MYO3A: variants seen among roughly 807,000 people sequenced by gnomAD.
MYO3A encodes the protein myosin-IIIa.
A neutral mutation model predicts 192.7 loss-of-function variants in MYO3A; 180 were observed. The ratio of observed to expected loss-of-function variants is 0.93; its 90% CI spans 0.83 to 1.06. MYO3A has a LOEUF of 1.06. MYO3A is among the 50% of genes least tolerant of loss of function. MYO3A has a pLI of 0.00. For missense variants in MYO3A, 1,896 were observed against 1,905.0 expected, an observed-to-expected ratio of 1.00 and a Z score of 0.09; for synonymous variants, 628 against 645.3, an observed-to-expected ratio of 0.97 and a Z score of 0.41.
Position 26,143,590 on chromosome 10 carries a change from A to G in MYO3A, c.2405A>G (p.Gln802Arg), listed in dbSNP as rs727503324. 2 of 1,614,008 alleles carry G rather than the reference A, an allele frequency of 1.2e-6. No individual in the cohort carries two copies. Among genetic ancestry groups the G allele is most frequent in the Non-Finnish European group, 1.7e-6 (2 of 1,179,926 alleles). ...AGTAGATTTCCCAAGGCCACTGACC[A>G]GACTCTTGTAGGTGAGTTTTCAGTC... ...EESRFPKATD[Q>R]TLVEKFEGNL... The change falls in exon 21 of 35, where the codon CAG becomes CGG. Residue 802 changes from glutamine (Q) to arginine (R), a missense_variant. Physicochemically the swap from Gln to Arg is conservative, Grantham distance 43. Transcript: ENST00000642920.
At chr10:26,075,777 T>TG (rs1835526579) in intron 14 of MYO3A, among the ~76,000 whole-genome samples, 1 of 148,026 alleles carries the variant, frequency 6.8e-6, no homozygotes, top group Non-Finnish European at 1.5e-5. Context: ...CTCATATATA[T>TG]ATGATATATA....
intron 10 of MYO3A, among the ~76,000 whole-genome samples, chr10:26,034,432 A>AT (rs1350560007): frequency 6.6e-6 from 1 of 152,200 alleles, no homozygotes; most frequent in African/African-American, 2.4e-5. Context: ...AGACAGGAGT[A>AT]TTTTTCTTCA....
intron 10 of MYO3A, among the ~76,000 whole-genome samples, chr10:26,039,102 G>A (rs1020493378): frequency 2.0e-4 from 31 of 151,694 alleles, no homozygotes; most frequent in African/African-American, 6.3e-4. Flanking sequence ...GTGCAATGGC[G>A]TGATCTCGGC....
chr10:25,983,287 A>T (rs1000476145), intron 4 of MYO3A, among the ~76,000 whole-genome samples: 4 of 150,080 alleles, frequency 2.7e-5, no homozygotes, highest in Non-Finnish European at 4.4e-5. Flanking sequence ...ACAAATTCCC[A>T]CTCTGTCACC....
At chr10:25,996,096 C>G (rs995441502) in intron 4 of MYO3A, among the ~76,000 whole-genome samples, 1 of 152,246 alleles carries the variant, frequency 6.6e-6, no homozygotes, top group Admixed American at 6.5e-5. Context: ...GCCCTGCCCC[C>G]ACAGGTGGAG....
At chr10:26,107,204 G>T (rs1837863907) in intron 17 of MYO3A, among the ~76,000 whole-genome samples, 1 of 152,098 alleles carries the variant, frequency 6.6e-6, no homozygotes, top group Non-Finnish European at 1.5e-5. Context: ...ATTAGAGGCT[G>T]GGCGCAGTGG....
intron 4 of MYO3A, 32 bp downstream of exon 4, chr10:25,955,040 A>T: frequency 6.2e-7 from 1 of 1,609,676 alleles, no homozygotes; most frequent in Non-Finnish European, 8.5e-7. Flanking sequence ...GTATGGGTGG[A>T]AACTTAGAGT....
chr10:26,201,196 T>C, intron 32 of MYO3A, 69 bp from the exon 33 acceptor site: 1 of 751,374 alleles, frequency 1.3e-6, no homozygotes, highest in South Asian at 3.0e-5. Flanking sequence ...ATATTAAGAT[T>C]ATAGTTATAT....
intron 19 of MYO3A, 70 bp from the exon 20 acceptor site, chr10:26,128,321 T>C (rs1839329968): frequency 1.3e-6 from 2 of 1,516,432 alleles, no homozygotes; most frequent in African/African-American, 1.4e-5. Flanking sequence ...AAATGGTAAC[T>C]CTAAGATTCC....
At chr10:26,000,650 CAG>C (rs200088997) in intron 6 of MYO3A, among the ~76,000 whole-genome samples, 6,519 of 148,738 alleles carry the variant, frequency 0.044, 177 homozygotes, top group Middle Eastern at 0.068. Flanking sequence ...AAAGATCAAA[CAG>C]GGTGAAGCAG....
chr10:26,029,352 ATTCTT>A (rs1842705556), intron 10 of MYO3A, among the ~76,000 whole-genome samples: 1 of 152,094 alleles, frequency 6.6e-6, no homozygotes, highest in South Asian at 2.1e-4. Flanking sequence ...ATCCTCTCTC[ATTCTT>A]TTCACTTTTT....
At chr10:26,188,406 G>A (rs1333801488) in intron 31 of MYO3A, among the ~76,000 whole-genome samples, 5 of 152,118 alleles carry the variant, frequency 3.3e-5, no homozygotes, top group East Asian at 1.9e-4. Flanking sequence ...TTTGTCAGAT[G>A]AGTAGATTGC....
chr10:26,145,665 C>G (rs1589033258), intron 22 of MYO3A, 131 bp downstream of exon 22: 1 of 801,040 alleles, frequency 1.2e-6, no homozygotes, highest in Non-Finnish European at 2.1e-6. Flanking sequence ...TCCGCCCCCA[C>G]TGGCCCTAAT....
chr10:26,211,870 G>A lies in MYO3A; in HGVS notation c.4758G>A (p.Lys1586=). The change falls in exon 35 of 35, where the codon AAG becomes AAA. Residue 1586 remains lysine, a synonymous_variant. Transcript: ENST00000642920. The part of the protein sequence containing the change: ...ERCWAAESPE[K]EEEREPAANP... The stretch of plus-strand genomic sequence containing the variant: ...GCTGGGCGGCGGAGAGCCCCGAGAA[G>A]GAGGAGGAGAGAGAGCCAGCAGCCA... 3.7e-6 allele frequency: 6 copies of A among 1,614,064 alleles called. No individual in the cohort carries two copies. Among genetic ancestry groups the A allele is most frequent in the African/African-American group, 1.3e-5 (1 of 75,036 alleles).
intron 30 of MYO3A, 49 bp downstream of exon 30, chr10:26,174,606 T>C (rs1025701911): frequency 1.4e-6 from 2 of 1,464,782 alleles, no homozygotes; most frequent in East Asian, 2.3e-5. Context: ...CTGGGAACTA[T>C]ACAATAACTG....
At chr10:26,186,400 G>A (rs1842870582) in intron 31 of MYO3A, among the ~76,000 whole-genome samples, 1 of 151,556 alleles carries the variant, frequency 6.6e-6, no homozygotes, top group Non-Finnish European at 1.5e-5. Flanking sequence ...CTGAGTAGCT[G>A]AGACTACAGG....
intron 26 of MYO3A, among the ~76,000 whole-genome samples, chr10:26,164,440 C>A (rs1267324281): frequency 6.6e-6 from 1 of 152,038 alleles, no homozygotes; most frequent in Non-Finnish European, 1.5e-5. Flanking sequence ...GGGGAAGAAG[C>A]CTATGAATTG....
At chr10:26,073,228 A>C (rs1178828496) in intron 14 of MYO3A, among the ~76,000 whole-genome samples, 1 of 151,954 alleles carries the variant, frequency 6.6e-6, no homozygotes, top group Non-Finnish European at 1.5e-5. Flanking sequence ...TGTCTCAAAA[A>C]AGGAAAAAGA....
chr10:26,069,248 A>G (rs1483758583), intron 12 of MYO3A, among the ~76,000 whole-genome samples: 1 of 152,118 alleles, frequency 6.6e-6, no homozygotes, highest in Non-Finnish European at 1.5e-5. Flanking sequence ...CGTCAAAAGT[A>G]TAATTACATT....
Sources: allele counts gnomAD v4.1 joint callset (sites outside exome capture counted in the v4.1 genomes callset), GRCh38; gene constraint gnomAD v4.1.1; transcripts MANE v1.5; gene names NCBI Gene and HGNC (gene_info 2026-07-23, HGNC 2026-07-21).